Variants in NCAM1 observed in about 807,000 individuals in gnomAD.
NCAM1 encodes the protein neural cell adhesion molecule 1, also known as antigen recognized by monoclonal antibody 5.1H11.
A neutral mutation model predicts 109.8 loss-of-function variants in NCAM1; 14 were observed. The ratio of observed to expected loss-of-function variants is 0.13; its 90% CI spans 0.08 to 0.20. The LOEUF (loss-of-function observed/expected upper bound fraction) is 0.20. NCAM1 is among the 10% of genes least tolerant of loss of function. The pLI, the probability that NCAM1 is intolerant of heterozygous loss-of-function variation, is 1.00. For missense variants in NCAM1, 774 were observed against 1,109.9 expected (o/e 0.70, Z 4.30); for synonymous variants, 418 against 442.9 (o/e 0.94, Z 0.70).
chr11:113,190,310 G>A lies in NCAM1; in HGVS notation c.53-12069G>A, dbSNP rs143849699. ...AAATTACAGCGTGTGAAGACAGGAG[G>A]AGGCCATCCACATAGCCTGAGGACT... On this transcript the variant is annotated intron_variant, in intron 1 of 19. Transcript: ENST00000316851. 1.8e-4 allele frequency among the ~76,000 whole-genome samples: 27 copies of A among 152,300 alleles called. No individual in the cohort carries two copies. In the South Asian group the frequency reaches 3.5e-3, roughly 20 times the overall value.
Position 113,171,046 on chromosome 11 carries a change from G to C in NCAM1, c.53-31333G>C, listed in dbSNP as rs570448210. 3.0e-4 allele frequency among the ~76,000 whole-genome samples: 46 copies of C among 152,326 alleles called. No homozygotes were observed. The South Asian group carries it at 5.4e-3, about 18-fold the overall frequency. Reference sequence around the variant, plus strand: ...TTCAAGAGGGAGCAGGAGACAGACAGAGAAAGTGGATTAATGAGTGCTGGT... The same window carrying C: ...TTCAAGAGGGAGCAGGAGACAGACACAGAAAGTGGATTAATGAGTGCTGGT... On this transcript the variant is annotated intron_variant, in intron 1 of 19. Coordinates refer to ENST00000316851, the MANE Select transcript of NCAM1 (RefSeq NM_181351.5).
At chr11:112,971,917 A>ATT (rs1242270577) in intron 1 of NCAM1, among the ~76,000 whole-genome samples, 1 of 152,148 alleles carries the variant, frequency 6.6e-6, no homozygotes, top group African/African-American at 2.4e-5. Context: ...ACTGTGGTAT[A>ATT]TTTTTTAAAG....
intron 15 of NCAM1, among the ~76,000 whole-genome samples, chr11:113,249,660 C>T (rs534312586): frequency 4.5e-4 from 68 of 152,342 alleles, no homozygotes; most frequent in African/African-American, 1.5e-3. Flanking sequence ...CTTCCTCAGC[C>T]TGGATCAGCC....
At chr11:113,159,680 G>C (rs144940704) in intron 1 of NCAM1, among the ~76,000 whole-genome samples, 9 of 152,002 alleles carry the variant, frequency 5.9e-5, no homozygotes, top group African/African-American at 2.2e-4. Context: ...AAAGCAAAAG[G>C]GGTGGTTCAT....
intron 1 of NCAM1, among the ~76,000 whole-genome samples, chr11:113,039,108 A>G (rs1952990074): frequency 6.6e-6 from 1 of 152,234 alleles, no homozygotes; most frequent in Admixed American, 6.5e-5. Context: ...TAAATCTGTT[A>G]GCTTTGGTGT....
intron 1 of NCAM1, among the ~76,000 whole-genome samples, chr11:113,155,508 T>TAA (rs879986759): frequency 7.1e-6 from 1 of 140,866 alleles, no homozygotes; most frequent in Non-Finnish European, 1.6e-5. Flanking sequence ...GGCTCCATCT[T>TAA]AAAAAAAAAA....
chr11:113,018,616 C>G (rs951656117), intron 1 of NCAM1, among the ~76,000 whole-genome samples: 3 of 152,066 alleles, frequency 2.0e-5, no homozygotes, highest in Non-Finnish European at 4.4e-5. Flanking sequence ...TTCAGTATGC[C>G]CAAGTCAGCC....
intron 14 of NCAM1, among the ~76,000 whole-genome samples, chr11:113,235,708 C>A (rs888802731): frequency 6.6e-6 from 1 of 152,212 alleles, no homozygotes. Context: ...GCCTTTTCTG[C>A]TCCTCTCCCT....
At chr11:113,137,704 A>C (rs1941652912) in intron 1 of NCAM1, among the ~76,000 whole-genome samples, 2 of 152,244 alleles carry the variant, frequency 1.3e-5, no homozygotes, top group African/African-American at 4.8e-5. Context: ...CTTTAAAGGA[A>C]ATCACAGTAG....
intron 1 of NCAM1, among the ~76,000 whole-genome samples, chr11:113,137,527 T>C (rs1382383834): frequency 1.3e-5 from 2 of 152,252 alleles, no homozygotes; most frequent in Non-Finnish European, 2.9e-5. Flanking sequence ...ATTGTGATTG[T>C]ATCTAAAATG....
chr11:113,142,067 ACAGT>A lies in NCAM1; in HGVS notation c.53-60309_53-60306del, dbSNP rs138898481. Among the ~76,000 whole-genome samples the A allele has an allele frequency of 9.7e-4, 148 of 152,288 alleles. 1 individual carries two copies. The highest frequency in any genetic ancestry group is 1.8e-3 in the Non-Finnish European group (120 of 68,024). On this transcript the variant is annotated intron_variant, in intron 1 of 19. Coordinates refer to ENST00000316851, the MANE Select transcript of NCAM1 (RefSeq NM_181351.5). ...GGGCTAGAAGATTATCATAAGACAT[ACAGT>A]CAAACACGTTGATTCTAGTGGTAAC...
intron 1 of NCAM1, among the ~76,000 whole-genome samples, chr11:113,152,107 A>G (rs1328603948): frequency 6.6e-6 from 1 of 152,214 alleles, no homozygotes; most frequent in Non-Finnish European, 1.5e-5. Context: ...AAAATTTAAG[A>G]ATCCTTTCTA....
chr11:113,130,001 C>T (rs569748288), intron 1 of NCAM1, among the ~76,000 whole-genome samples: 1 of 152,240 alleles, frequency 6.6e-6, no homozygotes, highest in Admixed American at 6.5e-5. Context: ...GCACTTATGG[C>T]CCTCTGGATG....
Position 113,275,324 on chromosome 11 carries a change from A to C in NCAM1, c.2514A>C (p.Pro838=). 2 of 1,613,766 alleles carry C rather than the reference A, an allele frequency of 1.2e-6. No homozygotes were observed. Among genetic ancestry groups the C allele is most frequent in the South Asian group, 1.1e-5 (1 of 91,018 alleles). The part of the protein sequence containing the change: ...ECQETETKPA[P]AEVKTVPNDA... ...AGGAGACAGAAACGAAGCCAGCGCC[A>C]GCCGAAGTCAAGACGGTCCCCAATG... The change falls in exon 20 of 20, where the codon CCA becomes CCC. Residue 838 remains proline, a synonymous_variant. Coordinates refer to ENST00000316851, the MANE Select transcript of NCAM1 (RefSeq NM_181351.5).
At chr11:113,272,394 T>C (rs1289546489) in intron 19 of NCAM1, among the ~76,000 whole-genome samples, 1 of 152,022 alleles carries the variant, frequency 6.6e-6, no homozygotes, top group African/African-American at 2.4e-5. Context: ...GGAATGGAGT[T>C]TCAGGGAACC....
rs950764839 is a variant in NCAM1 at position 113,265,207 on chromosome 11, G to C, written c.2131+4884G>C. ...TAACAGTTCATGTGAACTCACCAGC[G>C]TGGCTTGATTTTATTCAATAGTTGT... On this transcript the variant is annotated intron_variant, in intron 17 of 19. Coordinates refer to ENST00000316851, the MANE Select transcript of NCAM1 (RefSeq NM_181351.5). The C allele has an allele frequency of 3.1e-6, 3 of 976,540 alleles. No individual in the cohort carries two copies. In the African/African-American group the frequency reaches 5.3e-5, roughly 17 times the overall value. 60.5% of individuals were successfully genotyped at this position (976,540 alleles called of 1,614,324 possible).
At chr11:113,087,350 G>A (rs1002723095) in intron 1 of NCAM1, among the ~76,000 whole-genome samples, 3 of 152,178 alleles carry the variant, frequency 2.0e-5, no homozygotes, top group African/African-American at 7.2e-5. Context: ...GGCTAAAAAT[G>A]GAAGGAATAA....
intron 9 of NCAM1, chr11:113,231,123 A>T: frequency 2.9e-6 from 4 of 1,383,574 alleles, no homozygotes; most frequent in Non-Finnish European, 3.9e-6. Flanking sequence ...AACATCCAGG[A>T]AAGAGGCATC....
At chr11:113,044,495 GC>G (rs1468646067) in intron 1 of NCAM1, among the ~76,000 whole-genome samples, 3 of 151,874 alleles carry the variant, frequency 2.0e-5, no homozygotes, top group Non-Finnish European at 4.4e-5. Flanking sequence ...GACCAGCCTG[GC>G]CAACATGGCA....
Sources: gnomAD v4.1 joint callset for allele counts (sites outside exome capture counted in the v4.1 genomes callset) on GRCh38, gnomAD v4.1.1 for gene constraint, MANE v1.5 for transcripts, NCBI Gene and HGNC (gene_info 2026-07-23, HGNC 2026-07-21) for gene names.